The following EVI5 variants were observed in gnomAD, a reference collection of about 807,000 sequenced individuals.
EVI5 encodes the protein ecotropic viral integration site 5 protein homolog.
A neutral mutation model predicts 112.0 loss-of-function variants in EVI5; 73 were observed. The observed-to-expected ratio is 0.65, with a 90% CI of 0.54 to 0.79. The LOEUF is 0.79. EVI5 is among the 30% of genes least tolerant of loss of function. The pLI, the probability that EVI5 is intolerant of heterozygous loss-of-function variation, is 0.00. For missense variants in EVI5, 900 were observed against 968.8 expected, an observed-to-expected ratio of 0.93 and a Z score of 0.94; for synonymous variants, 305 against 319.9, an observed-to-expected ratio of 0.95 and a Z score of 0.50.
At chr1:92,746,674 C>T (rs114663004) in intron 1 of EVI5, among the ~76,000 whole-genome samples, 2,893 of 152,210 alleles carry the variant, frequency 0.019, 109 homozygotes, top group African/African-American at 0.065. Context: ...AGAAGGACTG[C>T]TTGTGTCCAG....
chr1:92,753,916 T>C (rs1473334252), intron 1 of EVI5, among the ~76,000 whole-genome samples: 5 of 152,198 alleles, frequency 3.3e-5, no homozygotes, highest in Non-Finnish European at 7.3e-5. Flanking sequence ...TTCTTCCATA[T>C]TTTGAAAAAG....
intron 9 of EVI5, among the ~76,000 whole-genome samples, chr1:92,681,354 G>A (rs1572264908): frequency 2.0e-5 from 3 of 152,022 alleles, no homozygotes; most frequent in African/African-American, 4.8e-5. Context: ...ATTTATATAC[G>A]CATACAGAGG....
intron 16 of EVI5, 60 bp from the exon 17 acceptor site, chr1:92,607,787 A>T: frequency 8.8e-7 from 1 of 1,137,550 alleles, no homozygotes; most frequent in Non-Finnish European, 1.2e-6. Context: ...ATTAAAAAAA[A>T]TTACCTATCC....
At chr1:92,635,027 T>C (rs997371554) in intron 14 of EVI5, among the ~76,000 whole-genome samples, 1 of 152,178 alleles carries the variant, frequency 6.6e-6, no homozygotes, top group Non-Finnish European at 1.5e-5. Context: ...TGCTGCCTGA[T>C]CGTTCCTCTG....
chr1:92,592,635 C>G lies in EVI5; in HGVS notation c.2070+12672G>C, dbSNP rs188369716. 1.0e-3 allele frequency among the ~76,000 whole-genome samples: 156 copies of G among 152,066 alleles called. 1 individual carries two copies. The East Asian group carries it at 0.016, about 15-fold the overall frequency. ...AAAAAATCAATGAATCCAGGAGCTGCTTTTTTGAAAAGATCAACAAAATAA... is the reference window on the plus strand; with the variant it reads ...AAAAAATCAATGAATCCAGGAGCTGGTTTTTTGAAAAGATCAACAAAATAA... On this transcript the variant is annotated intron_variant, in intron 18 of 19. Transcript: ENST00000684568.
At chr1:92,538,662 A>C (rs2151577) in intron 19 of EVI5, among the ~76,000 whole-genome samples, 129,652 of 152,204 alleles carry the variant, frequency 0.85, 55,602 homozygotes, top group East Asian at 0.97. Context: ...AGCTGATTCC[A>C]AGGTGGCACA....
At chr1:92,627,490 A>C (rs1655944947) in intron 14 of EVI5, among the ~76,000 whole-genome samples, 1 of 152,216 alleles carries the variant, frequency 6.6e-6, no homozygotes, top group Non-Finnish European at 1.5e-5. Flanking sequence ...TGCGTGTGCA[A>C]GTATCTTTTT....
At chr1:92,733,102 T>C (rs558736066) in intron 2 of EVI5, 1 of 222,460 alleles carries the variant, frequency 4.5e-6, no homozygotes, top group South Asian at 7.9e-5. Context: ...AAATTAAGGT[T>C]GTGTCACATT....
chr1:92,665,735 A>C lies in EVI5; in HGVS notation c.1212+204T>G, dbSNP rs545095152. On this transcript the variant is annotated intron_variant, in intron 11 of 19. Coordinates refer to ENST00000684568, the MANE Select transcript of EVI5 (RefSeq NM_001350197.2). Reference sequence around the variant, plus strand: ...ACTGTTAATCTCAGTTAAAACCTGAATACTAAAGTTTAAGAACCAGTACAA... The same window carrying C: ...ACTGTTAATCTCAGTTAAAACCTGACTACTAAAGTTTAAGAACCAGTACAA... Among the ~76,000 whole-genome samples the C allele has an allele frequency of 2.6e-5, 4 of 152,356 alleles. No homozygotes were observed. In the South Asian group the frequency reaches 8.3e-4, roughly 32 times the overall value.
chr1:92,524,363 T>C (rs1449929077), intron 19 of EVI5, among the ~76,000 whole-genome samples: 3 of 152,238 alleles, frequency 2.0e-5, no homozygotes, highest in Non-Finnish European at 4.4e-5. Context: ...GATTCCTTGT[T>C]AATTTATCAC....
chr1:92,619,329 C>G (rs1653983082), intron 16 of EVI5, among the ~76,000 whole-genome samples: 1 of 152,090 alleles, frequency 6.6e-6, no homozygotes, highest in South Asian at 2.1e-4. Context: ...TCCTTGAACA[C>G]TGGACTTCAA....
intron 13 of EVI5, among the ~76,000 whole-genome samples, chr1:92,659,512 A>C (rs1331580707): frequency 6.6e-6 from 1 of 152,064 alleles, no homozygotes; most frequent in East Asian, 1.9e-4. Context: ...CAACATCACT[A>C]TCATCAGAGA....
chr1:92,520,241 C>T lies in EVI5; in HGVS notation c.2167-6271G>A, dbSNP rs147524877. ...GAAAAACAAGAACATTATTTTCCAA[C>T]CCCCCTCATAACACCATCTTGGAAA... On this transcript the variant is annotated intron_variant, in intron 19 of 19. Transcript: ENST00000684568. 1.5e-3 allele frequency among the ~76,000 whole-genome samples: 227 copies of T among 152,114 alleles called. 3 individuals are homozygous for T. Among genetic ancestry groups the T allele is most frequent in the African/African-American group, 5.2e-3 (214 of 41,504 alleles).
chr1:92,763,067 G>A (rs1266353527), intron 1 of EVI5, among the ~76,000 whole-genome samples: 1 of 152,054 alleles, frequency 6.6e-6, no homozygotes, highest in South Asian at 2.1e-4. Flanking sequence ...CCAGGAGTTC[G>A]AGACCAGCCT....
intron 1 of EVI5, among the ~76,000 whole-genome samples, chr1:92,772,946 A>C (rs185497997): frequency 2.4e-4 from 35 of 147,888 alleles, no homozygotes; most frequent in Non-Finnish European, 4.2e-4. Context: ...GGTGGCTCAC[A>C]CTTGTAATCC....
At chr1:92,752,595 C>G (rs1453739027) in intron 1 of EVI5, among the ~76,000 whole-genome samples, 2 of 152,030 alleles carry the variant, frequency 1.3e-5, no homozygotes, top group African/African-American at 4.8e-5. Flanking sequence ...TTGTTCAGTT[C>G]TGGGAACTTT....
chr1:92,694,290 TG>T lies in EVI5; in HGVS notation c.999+8del. The T allele has an allele frequency of 1.3e-6, 2 of 1,492,992 alleles. No individual in the cohort carries two copies. Among genetic ancestry groups the T allele is most frequent in the Non-Finnish European group, 1.8e-6 (2 of 1,085,164 alleles). The allele number at this position is 1,492,992 out of a possible 1,614,324, so 92.5% of individuals were successfully genotyped here. On this transcript the variant is annotated splice_region_variant and intron_variant, in intron 8 of 19. Coordinates refer to ENST00000684568, the MANE Select transcript of EVI5 (RefSeq NM_001350197.2). The stretch of plus-strand genomic sequence containing the variant: ...AAAAAAAAAAAAAGAAAATAAATTA[TG>T]AACTTACCTGTAACATCCCTTCCAT...
At position 92,703,381 on chromosome 1, in the gene EVI5, T is replaced by C; in HGVS notation, c.564+14A>G. 1 of 1,417,776 alleles carries C rather than the reference T, an allele frequency of 7.1e-7. No individual in the cohort carries two copies. The highest frequency in any genetic ancestry group is 9.6e-7 in the Non-Finnish European group (1 of 1,039,638). The allele number at this position is 1,417,776 out of a possible 1,614,324, so 87.8% of individuals were successfully genotyped here. ...AATTCATTTCATTTCAAAAAATGAATAAATAAAACTTACCTTCATTACATT... is the reference window on the plus strand; with the variant it reads ...AATTCATTTCATTTCAAAAAATGAACAAATAAAACTTACCTTCATTACATT... On this transcript the variant is annotated intron_variant, in intron 4 of 19. Coordinates refer to ENST00000684568, the MANE Select transcript of EVI5 (RefSeq NM_001350197.2).
rs779396631 is a variant in EVI5, at chr1:92,513,640, T to C, written c.*16A>G. The C allele has an allele frequency of 6.4e-7, 1 of 1,560,960 alleles. No homozygotes were observed. Among genetic ancestry groups the C allele is most frequent in the Admixed American group, 1.9e-5 (1 of 52,870 alleles). The stretch of plus-strand genomic sequence containing the variant: ...TGATCCCTTAAATAAATCCATAGTC[T>C]AGGTCACAGTGATGGTCAGACAGTG... On this transcript the variant is annotated 3_prime_UTR_variant, in exon 20 of 20. Transcript: ENST00000684568.
Sources: allele counts gnomAD v4.1 joint callset (sites outside exome capture counted in the v4.1 genomes callset), GRCh38; gene constraint gnomAD v4.1.1; transcripts MANE v1.5; gene names NCBI Gene and HGNC (gene_info 2026-07-23, HGNC 2026-07-21).